The following MOB1B variants were observed in gnomAD, a reference collection of about 807,000 sequenced individuals.
MOB1B encodes MOB kinase activator 1B.
A neutral mutation model predicts 24.4 loss-of-function variants in MOB1B; 19 were observed. That is an observed-to-expected ratio of 0.78 (90% CI 0.54 to 1.14). The LOEUF is 1.14. Among genes scored for constraint, MOB1B ranks in the 50% most tolerant of loss-of-function variants. The probability of loss-of-function intolerance (pLI) is 0.00; values close to 1 mark genes in which losing one functional copy is unlikely to be tolerated. For synonymous variants in MOB1B, 76 were observed against 82.1 expected (o/e 0.93, Z 0.40); for missense variants, 243 against 259.6 (o/e 0.94, Z 0.44).
chr4:70,902,301 C>T (rs924367141), upstream of MOB1B: 2 of 597,240 alleles, frequency 3.3e-6, no homozygotes, highest in African/African-American at 1.9e-5. Context: ...TGCCCCGCCT[C>T]CCTTTCCTTC....
In MOB1B at chr4:70,987,301, G is replaced by A. The variant is rs917625741; in HGVS notation, c.*5244G>A. ...CTCTATATATTATTAATATTAAATTGTTTTTTACTTATAAATTCATGTTCT... is the reference window on the plus strand; with the variant it reads ...CTCTATATATTATTAATATTAAATTATTTTTTACTTATAAATTCATGTTCT... On this transcript the variant is annotated 3_prime_UTR_variant, in exon 6 of 6. Coordinates refer to ENST00000309395, the MANE Select transcript of MOB1B (RefSeq NM_173468.4). 1 of 151,472 alleles carries A rather than the reference G, an allele frequency of 6.6e-6. No individual in the cohort carries two copies. The allele number at this position is 151,472 out of a possible 1,614,324, so 9.4% of individuals were successfully genotyped here. A position where few individuals can be genotyped will look rare whatever the true frequency, so the allele number is the denominator to read the frequency against.
At chr4:70,967,156 C>T (rs1738566284) in intron 2 of MOB1B, among the ~76,000 whole-genome samples, 3 of 143,132 alleles carry the variant, frequency 2.1e-5, no homozygotes, top group South Asian at 4.7e-4. Flanking sequence ...TTTTTTGAGA[C>T]GGAGTCTCGC....
chr4:70,916,789 G>A (rs980780942), intron 1 of MOB1B, among the ~76,000 whole-genome samples: 4 of 151,960 alleles, frequency 2.6e-5, no homozygotes, highest in African/African-American at 9.7e-5. Flanking sequence ...GCCTCGTCTC[G>A]AACTCCTGAC....
rs1050259323 is a variant in MOB1B, at chr4:70,964,658, G to A, written c.182-5273G>A. 7.2e-5 allele frequency among the ~76,000 whole-genome samples: 11 copies of A among 152,136 alleles called. 1 individual carries two copies. Among genetic ancestry groups the A allele is most frequent in the South Asian group, 6.2e-4 (3 of 4,826 alleles). On this transcript the variant is annotated intron_variant, in intron 2 of 5. Coordinates refer to ENST00000309395, the MANE Select transcript of MOB1B (RefSeq NM_173468.4). ...AGTTAAAAGAGGTGAGGCCGGGTGC[G>A]GTGGTTCATGCCTGTAATCCCAGCA...
chr4:70,967,532 A>G (rs894667841), intron 2 of MOB1B, among the ~76,000 whole-genome samples: 2 of 152,254 alleles, frequency 1.3e-5, no homozygotes, highest in East Asian at 3.9e-4. Context: ...TTTATAGCCA[A>G]TAAAAAATAT....
intron 2 of MOB1B, among the ~76,000 whole-genome samples, chr4:70,962,150 G>A (rs1578391648): frequency 6.6e-6 from 1 of 152,164 alleles, no homozygotes; most frequent in African/African-American, 2.4e-5. Context: ...CTCGAGCCCA[G>A]GAGTTCGAGG....
chr4:70,968,491 A>G (rs577443117), intron 2 of MOB1B, among the ~76,000 whole-genome samples: 2 of 152,096 alleles, frequency 1.3e-5, no homozygotes, highest in Admixed American at 1.3e-4. Flanking sequence ...TTGTATTTTT[A>G]GTAGAGACAA....
chr4:70,935,827 C>G lies in MOB1B; in HGVS notation c.15-23047C>G, dbSNP rs183627452. 2.3e-3 allele frequency among the ~76,000 whole-genome samples: 344 copies of G among 150,600 alleles called. 4 individuals are homozygous for G. The highest frequency in any genetic ancestry group is 8.1e-3 in the African/African-American group (332 of 40,904). On this transcript the variant is annotated intron_variant, in intron 1 of 5. Transcript: ENST00000309395. ...GAGTAGCTGGGACTACAGGTGTGTA[C>G]CACCATGCCTGGTACACTAATTTTT... is the stretch of plus-strand genomic sequence containing the variant.
At chr4:70,941,600 C>G (rs1737345558) in intron 1 of MOB1B, among the ~76,000 whole-genome samples, 1 of 152,190 alleles carries the variant, frequency 6.6e-6, no homozygotes, top group Non-Finnish European at 1.5e-5. Context: ...CTCGGCCTCC[C>G]AAAGTGCTGG....
At chr4:70,902,667 G>GCCCGGCGTCACCACCAAGCGGGGC (rs1735563179) in intron 1 of MOB1B, 117 bp downstream of exon 1, 1 of 1,009,324 alleles carries the variant, frequency 9.9e-7, no homozygotes, top group African/African-American at 1.7e-5. Flanking sequence ...CGCTCCCGGG[G>GCCCGGCGTCACCACCAAGCGGGGC]CCCGGCGTCA....
intron 1 of MOB1B, among the ~76,000 whole-genome samples, chr4:70,904,438 C>G (rs1735657119): frequency 6.6e-6 from 1 of 152,026 alleles, no homozygotes; most frequent in South Asian, 2.1e-4. Context: ...ATGACTACTG[C>G]TGATGGGCTT....
chr4:70,931,034 A>G (rs1008875028), intron 1 of MOB1B, among the ~76,000 whole-genome samples: 2 of 121,922 alleles, frequency 1.6e-5, no homozygotes, highest in Non-Finnish European at 3.3e-5. Flanking sequence ...TTGCATCTGT[A>G]TATTACTTTC....
intron 5 of MOB1B, among the ~76,000 whole-genome samples, chr4:70,980,869 C>A (rs1006465966): frequency 1.3e-5 from 2 of 152,120 alleles, no homozygotes; most frequent in Non-Finnish European, 2.9e-5. Context: ...GTGGACATTA[C>A]CCAAAGTGTC....
chr4:70,958,833 C>A, intron 1 of MOB1B, 41 bp from the exon 2 acceptor site: 1 of 1,537,912 alleles, frequency 6.5e-7, no homozygotes, highest in Non-Finnish European at 8.9e-7. Flanking sequence ...GAATGTCATG[C>A]CTTAAATATT....
intron 2 of MOB1B, among the ~76,000 whole-genome samples, chr4:70,964,820 C>G (rs535853514): frequency 1.3e-5 from 2 of 151,250 alleles, no homozygotes; most frequent in Non-Finnish European, 2.9e-5. Flanking sequence ...ATCCCAGCTA[C>G]GTGGGAGGCT....
intron 1 of MOB1B, among the ~76,000 whole-genome samples, chr4:70,923,846 C>G (rs1736539526): frequency 6.7e-6 from 1 of 149,304 alleles, no homozygotes. Context: ...CCTACTCAGG[C>G]TGAGGCAGGA....
intron 3 of MOB1B, among the ~76,000 whole-genome samples, chr4:70,970,643 T>A (rs959941128): frequency 1.2e-4 from 19 of 152,354 alleles, no homozygotes; most frequent in Non-Finnish European, 2.9e-5. Context: ...ATAATAGCAA[T>A]GACAGTTACC....
rs1739273640 is a variant in MOB1B at position 70,983,256 on chromosome 4, A to T, written c.*1199A>T. ...GATGTTTGCCTGTCATTTTAAGATG[A>T]TACCATACCTTCTTTGGTTATTATA... On this transcript the variant is annotated 3_prime_UTR_variant, in exon 6 of 6. Coordinates refer to ENST00000309395, the MANE Select transcript of MOB1B (RefSeq NM_173468.4). 6.6e-6 allele frequency: 1 copy of T among 152,534 alleles called. No individual in the cohort carries two copies. Among genetic ancestry groups the T allele is most frequent in the Non-Finnish European group, 1.5e-5 (1 of 67,974 alleles). 9.4% of individuals were successfully genotyped at this position (152,534 alleles called of 1,614,324 possible).
chr4:70,959,657 GATTTT>G (rs1202420437), intron 2 of MOB1B, among the ~76,000 whole-genome samples: 2 of 152,152 alleles, frequency 1.3e-5, no homozygotes, highest in African/African-American at 4.8e-5. Context: ...CTACGTGGAT[GATTTT>G]ATTTTATCTT....
Sources: allele counts gnomAD v4.1 joint callset (sites outside exome capture counted in the v4.1 genomes callset), GRCh38; gene constraint gnomAD v4.1.1; transcripts MANE v1.5; gene names NCBI Gene and HGNC (gene_info 2026-07-23, HGNC 2026-07-21).